The following CYBRD1 variants were observed in gnomAD, a reference collection of about 807,000 sequenced individuals.
The protein encoded by CYBRD1 is cytochrome b reductase 1.
In CYBRD1, 14 loss-of-function variants were observed where a neutral mutation model predicts 21.9. The observed-to-expected ratio is 0.64, with a 90% CI of 0.42 to 1.00. CYBRD1 has a LOEUF of 1.00. Ranked by LOEUF, CYBRD1 falls within the 50% of genes least tolerant of loss-of-function variation. The pLI is 0.00. For missense variants in CYBRD1, 328 were observed against 352.5 expected, an observed-to-expected ratio of 0.93 and a Z score of 0.56; for synonymous variants, 146 against 136.5, an observed-to-expected ratio of 1.07 and a Z score of -0.48.
intron 1 of CYBRD1, among the ~76,000 whole-genome samples, chr2:171,539,178 T>C (rs990528690): frequency 6.6e-6 from 1 of 152,074 alleles, no homozygotes; most frequent in African/African-American, 2.4e-5. Context: ...CTTTTTATTT[T>C]CTGGAATTAA....
chr2:171,537,141 TTGTG>T (rs148889396), intron 1 of CYBRD1, among the ~76,000 whole-genome samples: 1 of 151,948 alleles, frequency 6.6e-6, no homozygotes, highest in East Asian at 1.9e-4. Flanking sequence ...AAGGACTCAA[TTGTG>T]TGTGTGTGTT....
rs1357509518 is a variant in CYBRD1 at position 171,556,784 on chromosome 2, G to A, written c.*1957G>A. The A allele has an allele frequency of 1.3e-5, 2 of 152,194 alleles. No homozygotes were observed. The highest frequency in any genetic ancestry group is 4.8e-5 in the African/African-American group (2 of 41,446). The allele number at this position is 152,194 out of a possible 1,614,324, so 9.4% of individuals were successfully genotyped here. Reference sequence around the variant, plus strand: ...GGTAGCACAATTAAATTCAGTATGGGTGGAGCATGGTACAGTCTTGGTGCC... The same window carrying A: ...GGTAGCACAATTAAATTCAGTATGGATGGAGCATGGTACAGTCTTGGTGCC... On this transcript the variant is annotated 3_prime_UTR_variant, in exon 4 of 4. Transcript: ENST00000321348.
rs140593878 is a variant in CYBRD1, at chr2:171,542,278, C to A, written c.402+485C>A. Among the ~76,000 whole-genome samples, 182 of 152,262 alleles carry A rather than the reference C, an allele frequency of 1.2e-3. 3 individuals carry two copies. The highest frequency in any genetic ancestry group is 0.01 in the East Asian group (54 of 5,192). ...ACAAAATAATAAGAAATAAAGATTT[C>A]TTATACTGGATATGACTTTTAATCT... is the stretch of plus-strand genomic sequence containing the variant. On this transcript the variant is annotated intron_variant, in intron 2 of 3. Transcript: ENST00000321348.
At chr2:171,550,497 TG>T (rs1280995379) in intron 2 of CYBRD1, among the ~76,000 whole-genome samples, 1 of 152,140 alleles carries the variant, frequency 6.6e-6, no homozygotes, top group Non-Finnish European at 1.5e-5. Flanking sequence ...CACCTTCACT[TG>T]TAAGGTAGTA....
At position 171,525,947 on chromosome 2, in the gene CYBRD1, TAAAAAAAAAAAAA is replaced by T. The variant is rs58388653; in HGVS notation, c.193+3222_193+3234del. Reference sequence around the variant, plus strand: ...GGGCAACAAGAGCGAAACTCCCGTCTAAAAAAAAAAAAAAAAAAAAAAAAAGAAGTAGGCTCTG... The same window carrying T: ...GGGCAACAAGAGCGAAACTCCCGTCTAAAAAAAAAAAAGAAGTAGGCTCTG... On this transcript the variant is annotated intron_variant, in intron 1 of 3. Transcript: ENST00000321348. 8.1e-5 allele frequency among the ~76,000 whole-genome samples: 5 copies of T among 61,988 alleles called. No homozygotes were observed. In the South Asian group the frequency reaches 3.4e-3, roughly 42 times the overall value. The allele number at this position is 61,988 out of a possible 152,430, so 40.7% of individuals were successfully genotyped here. A position where few individuals can be genotyped will look rare whatever the true frequency, so the allele number is the denominator to read the frequency against.
intron 1 of CYBRD1, among the ~76,000 whole-genome samples, chr2:171,537,021 C>A (rs933864779): frequency 1.3e-5 from 2 of 152,174 alleles, no homozygotes; most frequent in African/African-American, 4.8e-5. Flanking sequence ...TACTTAACCT[C>A]TCTGCCTCAG....
chr2:171,541,567 C>T lies in CYBRD1; in HGVS notation c.194-18C>T. 6.2e-7 allele frequency: 1 copy of T among 1,610,534 alleles called. No homozygotes were observed. The highest frequency in any genetic ancestry group is 8.5e-7 in the Non-Finnish European group (1 of 1,177,046). Reference sequence around the variant, plus strand: ...AAACAAAACAAAACACATTCTGTGTCCTTTCGTCTTTCCCTAGCCATCATC... The same window carrying T: ...AAACAAAACAAAACACATTCTGTGTTCTTTCGTCTTTCCCTAGCCATCATC... On this transcript the variant is annotated intron_variant, in intron 1 of 3. Coordinates refer to ENST00000321348, the MANE Select transcript of CYBRD1 (RefSeq NM_024843.4).
Position 171,535,177 on chromosome 2 carries a change from G to A in CYBRD1, c.194-6408G>A, listed in dbSNP as rs976993107. 5.9e-5 allele frequency among the ~76,000 whole-genome samples: 9 copies of A among 152,152 alleles called. No individual in the cohort carries two copies. In the East Asian group the frequency reaches 7.7e-4, roughly 13 times the overall value. ...CCCTAACTCAAGCCAGAAACAAAAC[G>A]AGATAGAAAAACTCTGAGAGAGACC... On this transcript the variant is annotated intron_variant, in intron 1 of 3. Transcript: ENST00000321348.
intron 1 of CYBRD1, among the ~76,000 whole-genome samples, chr2:171,537,846 G>A (rs1418463517): frequency 6.6e-6 from 1 of 152,118 alleles, no homozygotes; most frequent in Non-Finnish European, 1.5e-5. Context: ...TAAAAGAGAG[G>A]ATATTGAATG....
rs1300654557 is a variant in CYBRD1, at chr2:171,558,030, A to G, written c.*3203A>G. The G allele has an allele frequency of 6.6e-6, 1 of 152,032 alleles. No homozygotes were observed. The highest frequency in any genetic ancestry group is 1.5e-5 in the Non-Finnish European group (1 of 68,014). The allele number at this position is 152,032 out of a possible 1,614,324, so 9.4% of individuals were successfully genotyped here. A position where few individuals can be genotyped will look rare whatever the true frequency, so the allele number is the denominator to read the frequency against. ...CTTTTTATCTTAGCGCATTTATGGAAAAAATATTAACTATCCTGAATATTT... is the reference window on the plus strand; with the variant it reads ...CTTTTTATCTTAGCGCATTTATGGAGAAAATATTAACTATCCTGAATATTT... On this transcript the variant is annotated 3_prime_UTR_variant, in exon 4 of 4. Coordinates refer to ENST00000321348, the MANE Select transcript of CYBRD1 (RefSeq NM_024843.4).
Position 171,532,595 on chromosome 2 carries a change from C to G in CYBRD1, c.194-8990C>G, listed in dbSNP as rs768356311. On this transcript the variant is annotated intron_variant, in intron 1 of 3. Transcript: ENST00000321348. ...CAGGAGAATCACTTGAGCCCAGGAG[C>G]TGGAGACCAGCCTGAACATCACGGC... Among the ~76,000 whole-genome samples, 15 of 151,292 alleles carry G rather than the reference C, an allele frequency of 9.9e-5. 1 individual carries two copies. Among genetic ancestry groups the G allele is most frequent in the Non-Finnish European group, 1.8e-4 (12 of 67,826 alleles).
At chr2:171,528,087 T>A (rs1249296297) in intron 1 of CYBRD1, among the ~76,000 whole-genome samples, 1 of 148,740 alleles carries the variant, frequency 6.7e-6, no homozygotes, top group Non-Finnish European at 1.5e-5. Flanking sequence ...GCACTTTATT[T>A]TATTTTATTT....
In CYBRD1 at chr2:171,554,873, C is replaced by G; in HGVS notation, c.*46C>G. ...ATATAACGTCACGTTTCAAAACTAG[C>G]TCTACAGTTTTGCTTCTCCTATTAG... On this transcript the variant is annotated 3_prime_UTR_variant, in exon 4 of 4. Coordinates refer to ENST00000321348, the MANE Select transcript of CYBRD1 (RefSeq NM_024843.4). 1.3e-6 allele frequency: 2 copies of G among 1,592,228 alleles called. No individual in the cohort carries two copies. Among genetic ancestry groups the G allele is most frequent in the Non-Finnish European group, 1.7e-6 (2 of 1,163,390 alleles).
chr2:171,543,782 A>G (rs1218513601), intron 2 of CYBRD1, among the ~76,000 whole-genome samples: 1 of 152,128 alleles, frequency 6.6e-6, no homozygotes, highest in Non-Finnish European at 1.5e-5. Context: ...ATTAAACTGT[A>G]TTGATTCCTC....
intron 1 of CYBRD1, chr2:171,540,924 C>G (rs1413767111): frequency 6.5e-6 from 1 of 153,196 alleles, no homozygotes; most frequent in Non-Finnish European, 1.5e-5. Flanking sequence ...CACCCCATGC[C>G]TGGCTAATTT....
chr2:171,540,173 G>A (rs1420464945), intron 1 of CYBRD1, among the ~76,000 whole-genome samples: 1 of 152,192 alleles, frequency 6.6e-6, no homozygotes, highest in African/African-American at 2.4e-5. Flanking sequence ...TGTAATTGCT[G>A]TATCCTTCCC....
intron 2 of CYBRD1, among the ~76,000 whole-genome samples, chr2:171,545,474 G>A (rs1697697777): frequency 6.7e-6 from 1 of 149,936 alleles, no homozygotes; most frequent in Non-Finnish European, 1.5e-5. Context: ...TGCCTCCTAG[G>A]CTCAAGCAAT....
chr2:171,556,778 G>A lies in CYBRD1; in HGVS notation c.*1951G>A, dbSNP rs1268487705. 2 of 152,208 alleles carry A rather than the reference G, an allele frequency of 1.3e-5. No individual in the cohort carries two copies. Among genetic ancestry groups the A allele is most frequent in the African/African-American group, 2.4e-5 (1 of 41,454 alleles). The allele number at this position is 152,208 out of a possible 1,614,324, so 9.4% of individuals were successfully genotyped here. A position where few individuals can be genotyped will look rare whatever the true frequency, so the allele number is the denominator to read the frequency against. On this transcript the variant is annotated 3_prime_UTR_variant, in exon 4 of 4. Coordinates refer to ENST00000321348, the MANE Select transcript of CYBRD1 (RefSeq NM_024843.4). ...CAAAGTGGTAGCACAATTAAATTCAGTATGGGTGGAGCATGGTACAGTCTT... is the reference window on the plus strand; with the variant it reads ...CAAAGTGGTAGCACAATTAAATTCAATATGGGTGGAGCATGGTACAGTCTT...
In CYBRD1 at chr2:171,554,752, A is replaced by C; in HGVS notation, c.786A>C (p.Ser262=). ...GCAACAACATGGACAAATCAGATTC[A>C]GAGTTAAACAGTGAAGTAGCAGCAA... is the stretch of plus-strand genomic sequence containing the variant. ...YSGNNMDKSD[S]ELNSEVAARK... Residue 262 remains serine (S), a synonymous_variant, in exon 4 of 4, where the codon TCA becomes TCC. Coordinates refer to ENST00000321348, the MANE Select transcript of CYBRD1 (RefSeq NM_024843.4). 1.2e-6 allele frequency: 2 copies of C among 1,614,066 alleles called. No homozygotes were observed. Among genetic ancestry groups the C allele is most frequent in the South Asian group, 1.1e-5 (1 of 91,072 alleles).
Sources: gnomAD v4.1 joint callset for allele counts (sites outside exome capture counted in the v4.1 genomes callset) on GRCh38, gnomAD v4.1.1 for gene constraint, MANE v1.5 for transcripts, NCBI Gene and HGNC (gene_info 2026-07-23, HGNC 2026-07-21) for gene names.